Variants in MET observed in about 807,000 individuals in gnomAD.
MET encodes the protein hepatocyte growth factor receptor.
A neutral mutation model predicts 133.1 loss-of-function variants in MET; 48 were observed. That is an observed-to-expected ratio of 0.36 (90% CI 0.29 to 0.46). MET has a LOEUF of 0.46. Ranked by LOEUF, MET falls within the 20% of genes least tolerant of loss-of-function variation. The pLI, the probability that MET is intolerant of heterozygous loss-of-function variation, is 1.00. For synonymous variants in MET, 628 were observed against 616.5 expected, an observed-to-expected ratio of 1.02 and a Z score of -0.28; for missense variants, 1,442 against 1,695.9, an observed-to-expected ratio of 0.85 and a Z score of 2.63.
intron 2 of MET, among the ~76,000 whole-genome samples, chr7:116,711,418 A>G (rs1435967874): frequency 1.3e-5 from 2 of 152,246 alleles, no homozygotes; most frequent in Admixed American, 1.3e-4. Flanking sequence ...AACAATACCT[A>G]TTTAATCAAG....
chr7:116,782,026 A>G lies in MET; in HGVS notation c.3561A>G (p.Gln1187=). The change falls in exon 18 of 21, where the codon CAA becomes CAG. Residue 1187 remains glutamine, a synonymous_variant. Transcript: ENST00000397752. Reference sequence around the variant, plus strand: ...AAGATCTTATTGGCTTTGGTCTTCAAGTAGCCAAAGGCATGAAATATCTTG... The same window carrying G: ...AAGATCTTATTGGCTTTGGTCTTCAGGTAGCCAAAGGCATGAAATATCTTG... The part of the protein sequence containing the change: ...TVKDLIGFGL[Q]VAKGMKYLAS... 1 of 1,613,946 alleles carries G rather than the reference A, an allele frequency of 6.2e-7. No homozygotes were observed. Among genetic ancestry groups the G allele is most frequent in the Non-Finnish European group, 8.5e-7 (1 of 1,179,898 alleles).
chr7:116,773,740 A>G (rs1392743285), intron 14 of MET, among the ~76,000 whole-genome samples: 2 of 152,148 alleles, frequency 1.3e-5, no homozygotes. Context: ...GTCTACTATA[A>G]CTGTAATTGA....
At chr7:116,780,976 A>G (rs1368125590) in intron 17 of MET, among the ~76,000 whole-genome samples, 1 of 152,206 alleles carries the variant, frequency 6.6e-6, no homozygotes, top group East Asian at 1.9e-4. Context: ...TGCAAATAGT[A>G]AACAGCTTGC....
intron 2 of MET, among the ~76,000 whole-genome samples, chr7:116,701,394 G>T (rs1253007078): frequency 6.6e-6 from 1 of 152,144 alleles, no homozygotes; most frequent in East Asian, 1.9e-4. Flanking sequence ...GTAGCATAAA[G>T]TATATAATTT....
At position 116,743,333 on chromosome 7, in the gene MET, T is replaced by C. The variant is rs564596798; in HGVS notation, c.1701+2308T>C. Among the ~76,000 whole-genome samples the C allele has an allele frequency of 2.7e-4, 41 of 151,204 alleles. No homozygotes were observed. In the South Asian group the frequency reaches 8.0e-3, roughly 30 times the overall value. On this transcript the variant is annotated intron_variant, in intron 5 of 20. Transcript: ENST00000397752. ...CATTTGGGCAGACACCGAGCAGGAG[T>C]TTTTTTTCATACCCCAGTGGTGCCT...
rs1562883006 is a variant in MET, at chr7:116,699,219, C to G, written c.135C>G (p.Asn45Lys). 6.2e-7 allele frequency: 1 copy of G among 1,614,016 alleles called. No homozygotes were observed. Residue 45 changes from asparagine to lysine, a missense_variant, in exon 2 of 21, where the codon AAC (asparagine) becomes AAG (lysine). Asn to Lys is a moderately conservative substitution (Grantham distance 94). Transcript: ENST00000397752. ...TGAATATGAAGTATCAGCTTCCCAA[C>G]TTCACCGCGGAAACACCCATCCAGA... ...MNVNMKYQLP[N>K]FTAETPIQNV...
rs1424420830 is a variant in MET at position 116,740,072 on chromosome 7, C to T, written c.1515C>T (p.Ile505=). 6.2e-7 allele frequency: 1 copy of T among 1,614,070 alleles called. No individual in the cohort carries two copies. Among genetic ancestry groups the T allele is most frequent in the Non-Finnish European group, 8.5e-7 (1 of 1,179,954 alleles). ...TLNQNGYTLV[I]TGKKITKIPL... The stretch of plus-strand genomic sequence containing the variant: ...ACCAAAATGGCTACACACTGGTTAT[C>T]ACTGGGAAGAAGGTAAGCTGTTCCC... Residue 505 remains isoleucine (I), a synonymous_variant, in exon 4 of 21, where the codon ATC becomes ATT. Transcript: ENST00000397752.
intron 2 of MET, among the ~76,000 whole-genome samples, chr7:116,728,558 G>A (rs968508484): frequency 6.6e-6 from 1 of 152,122 alleles, no homozygotes; most frequent in African/African-American, 2.4e-5. Flanking sequence ...TCTCTGAGGA[G>A]ACCCTTAGTT....
chr7:116,723,741 C>T (rs530601636), intron 2 of MET, among the ~76,000 whole-genome samples: 69 of 152,204 alleles, frequency 4.5e-4, no homozygotes, highest in Admixed American at 2.1e-3. Context: ...AGTACCCTGC[C>T]GTGTGAGGTG....
At chr7:116,749,082 G>C (rs538514683) in intron 5 of MET, among the ~76,000 whole-genome samples, 1 of 152,262 alleles carries the variant, frequency 6.6e-6, no homozygotes, top group Admixed American at 6.5e-5. Flanking sequence ...AGAAAAACAA[G>C]GGACTCCTCC....
At chr7:116,700,617 TAC>T (rs1002507339) in intron 2 of MET, among the ~76,000 whole-genome samples, 2 of 152,214 alleles carry the variant, frequency 1.3e-5, no homozygotes, top group African/African-American at 4.8e-5. Context: ...TTATCAGATT[TAC>T]ACAGATTTTT....
intron 2 of MET, among the ~76,000 whole-genome samples, chr7:116,730,810 T>A (rs1414437811): frequency 1.3e-5 from 2 of 152,144 alleles, no homozygotes; most frequent in Non-Finnish European, 2.9e-5. Flanking sequence ...AGGATGGGCA[T>A]GTTGTTGAAT....
chr7:116,733,023 T>TC (rs951542472), intron 3 of MET, among the ~76,000 whole-genome samples: 1 of 152,110 alleles, frequency 6.6e-6, no homozygotes, highest in African/African-American at 2.4e-5. Context: ...ACGCCTTTTC[T>TC]CCCCCTTTCC....
intron 5 of MET, among the ~76,000 whole-genome samples, chr7:116,748,488 A>C (rs1793782864): frequency 1.3e-5 from 2 of 152,234 alleles, no homozygotes; most frequent in African/African-American, 4.8e-5. Flanking sequence ...GTTTAGAGGG[A>C]AATTTGTAGC....
chr7:116,760,442 TGGA>T (rs1337979787), intron 10 of MET, among the ~76,000 whole-genome samples: 1 of 152,200 alleles, frequency 6.6e-6, no homozygotes, highest in East Asian at 1.9e-4. Context: ...TTAGAAAGCT[TGGA>T]GTTATTTCCA....
intron 5 of MET, 52 bp downstream of exon 5, chr7:116,741,077 TTTTTTTGG>T (rs2116839324): frequency 1.2e-6 from 2 of 1,603,304 alleles, no homozygotes; most frequent in Admixed American, 1.7e-5. Context: ...GTTTTTTTTT[TTTTTTTGG>T]TTTGGTTTGG....
rs55985569 is a variant in MET at position 116,699,588 on chromosome 7, G to A, written c.504G>A (p.Glu168=). Residue 168 remains glutamate, a synonymous_variant, in exon 2 of 21, where the codon GAG becomes GAA. Coordinates refer to ENST00000397752, the MANE Select transcript of MET (RefSeq NM_000245.4). The part of the protein sequence containing the change: ...VHCIFSPQIE[E]PSQCPDCVVS... ...GCATATTCTCCCCACAGATAGAAGAGCCCAGCCAGTGTCCTGACTGTGTGG... is the reference window on the plus strand; with the variant it reads ...GCATATTCTCCCCACAGATAGAAGAACCCAGCCAGTGTCCTGACTGTGTGG... 6 of 1,613,976 alleles carry A rather than the reference G, an allele frequency of 3.7e-6. No homozygotes were observed. Among genetic ancestry groups the A allele is most frequent in the Non-Finnish European group, 5.1e-6 (6 of 1,179,946 alleles).
In MET at chr7:116,752,854, G is replaced by A. The variant is rs78462472; in HGVS notation, c.1702-2501G>A. 7.2e-3 allele frequency among the ~76,000 whole-genome samples: 1,099 copies of A among 152,248 alleles called. 14 individuals carry two copies. Among genetic ancestry groups the A allele is most frequent in the African/African-American group, 0.025 (1,042 of 41,534 alleles). ...GGGATCAGGCCAACATCAGCCTTGGGCAGCGTTTTCAGTGGGGAAGCCTCC... is the reference window on the plus strand; with the variant it reads ...GGGATCAGGCCAACATCAGCCTTGGACAGCGTTTTCAGTGGGGAAGCCTCC... On this transcript the variant is annotated intron_variant, in intron 5 of 20. Coordinates refer to ENST00000397752, the MANE Select transcript of MET (RefSeq NM_000245.4).
chr7:116,735,892 T>G (rs992311181), intron 3 of MET, among the ~76,000 whole-genome samples: 1 of 151,580 alleles, frequency 6.6e-6, no homozygotes, highest in Non-Finnish European at 1.5e-5. Context: ...TTCTTGTGCC[T>G]TAGCCTCCTG....
Sources: gnomAD v4.1 joint callset for allele counts (sites outside exome capture counted in the v4.1 genomes callset) on GRCh38, gnomAD v4.1.1 for gene constraint, MANE v1.5 for transcripts, NCBI Gene and HGNC (gene_info 2026-07-23, HGNC 2026-07-21) for gene names.